IGSF5: variants seen among roughly 807,000 people sequenced by gnomAD.
IGSF5 encodes the protein immunoglobulin superfamily member 5.
IGSF5 carries 41 observed loss-of-function variants against 39.4 expected under a neutral mutation model. The ratio of observed to expected loss-of-function variants is 1.04; its 90% confidence interval spans 0.81 to 1.35. The LOEUF is 1.35. Ranked by LOEUF, IGSF5 falls within the 40% of genes most tolerant of loss-of-function variation. The pLI is 0.00. For missense variants in IGSF5, 487 were observed against 494.6 expected, an observed-to-expected ratio of 0.98 and a Z score of 0.15; for synonymous variants, 183 against 175.3, an observed-to-expected ratio of 1.04 and a Z score of -0.34.
At chr21:39,791,929 C>T (rs759756319) in intron 6 of IGSF5, 79 bp from the exon 7 acceptor site, 12 of 868,714 alleles carry the variant, frequency 1.4e-5, no homozygotes, top group South Asian at 6.1e-5. Context: ...ACGTGAACTA[C>T]GTAGGTATCC....
At chr21:39,722,439 G>A in the IGSF5 span, 1 of 152,150 alleles carries the variant, frequency 6.6e-6, no homozygotes, top group East Asian at 1.9e-4. Context: ...AACTTTAAGA[G>A]CAGCCCATGT....
chr21:39,730,973 C>T, the IGSF5 span, among the ~76,000 whole-genome samples: 2 of 152,186 alleles, frequency 1.3e-5, no homozygotes, highest in African/African-American at 2.4e-5. Context: ...AAAGGCCTCT[C>T]GCCTATCAGC....
chr21:39,789,803 C>A (rs760286), intron 6 of IGSF5, among the ~76,000 whole-genome samples: 1 of 152,016 alleles, frequency 6.6e-6, no homozygotes, highest in Non-Finnish European at 1.5e-5. Context: ...GATATGCACA[C>A]AAAGCATTTT....
At chr21:39,791,236 A>G (rs1401264658) in intron 6 of IGSF5, among the ~76,000 whole-genome samples, 1 of 152,182 alleles carries the variant, frequency 6.6e-6, no homozygotes, top group Admixed American at 6.5e-5. Context: ...ATGGAATTCC[A>G]TTTTAGAGAA....
At chr21:39,723,049 C>T in the IGSF5 span, among the ~76,000 whole-genome samples, 1 of 152,220 alleles carries the variant, frequency 6.6e-6, no homozygotes, top group Non-Finnish European at 1.5e-5. Flanking sequence ...TAACAAATTG[C>T]CGCAAAAGCA....
chr21:39,793,405 G>T, intron 7 of IGSF5, 129 bp from the exon 8 acceptor site: 1 of 619,100 alleles, frequency 1.6e-6, no homozygotes, highest in Middle Eastern at 2.6e-4. Flanking sequence ...TAAAAAAAGT[G>T]TTCATGGTTA....
At chr21:39,731,622 G>C in the IGSF5 span, among the ~76,000 whole-genome samples, 12 of 152,172 alleles carry the variant, frequency 7.9e-5, no homozygotes, top group Non-Finnish European at 1.5e-4. Context: ...TGAAAATGGA[G>C]GGGCCACATG....
the IGSF5 span, chr21:39,726,067 CT>C: frequency 6.6e-6 from 1 of 152,208 alleles, no homozygotes; most frequent in Non-Finnish European, 1.5e-5. Flanking sequence ...AGAGATGGGG[CT>C]TGTGATTTTC....
Position 39,801,531 on chromosome 21 carries a change from A to C in IGSF5, c.*174A>C, listed in dbSNP as rs2087029559. 1 of 473,668 alleles carries C rather than the reference A, an allele frequency of 2.1e-6. No individual in the cohort carries two copies. Among genetic ancestry groups the C allele is most frequent in the Admixed American group, 3.5e-5 (1 of 28,710 alleles). The allele number at this position is 473,668 out of a possible 1,614,324, so 29.3% of individuals were successfully genotyped here. On this transcript the variant is annotated 3_prime_UTR_variant, in exon 9 of 9. Coordinates refer to ENST00000380588, the MANE Select transcript of IGSF5 (RefSeq NM_001080444.2). The stretch of plus-strand genomic sequence containing the variant: ...AGTGAGAGAAGGAATCGATTTTCCC[A>C]GAGTTCAAAGTAGAATGTGACTTTT...
At chr21:39,758,708 A>G (rs568373676) in intron 2 of IGSF5, among the ~76,000 whole-genome samples, 7 of 152,184 alleles carry the variant, frequency 4.6e-5, no homozygotes, top group Non-Finnish European at 8.8e-5. Flanking sequence ...GGCATAGTGT[A>G]TAGTCTATAT....
chr21:39,751,356 C>T (rs1335750446), intron 2 of IGSF5: 1 of 152,228 alleles, frequency 6.6e-6, no homozygotes, highest in African/African-American at 2.4e-5. Context: ...TTTGTGGCTC[C>T]CCTGTGACAG....
At chr21:39,781,452 T>C (rs1179576319) in intron 5 of IGSF5, among the ~76,000 whole-genome samples, 2 of 152,212 alleles carry the variant, frequency 1.3e-5, no homozygotes, top group Non-Finnish European at 2.9e-5. Context: ...ATGTTGTGTA[T>C]GTTCATATTT....
At chr21:39,770,180 C>T (rs2080106945) in intron 3 of IGSF5, among the ~76,000 whole-genome samples, 1 of 152,090 alleles carries the variant, frequency 6.6e-6, no homozygotes, top group East Asian at 1.9e-4. Context: ...TGGGGCCAAT[C>T]CTCAGGTTGT....
At chr21:39,725,568 G>C in the IGSF5 span, among the ~76,000 whole-genome samples, 25 of 152,276 alleles carry the variant, frequency 1.6e-4, no homozygotes, top group African/African-American at 5.5e-4. Context: ...CAGCAAATCC[G>C]AATGAAGACA....
At chr21:39,738,266 G>C in the IGSF5 span, among the ~76,000 whole-genome samples, 1 of 152,216 alleles carries the variant, frequency 6.6e-6, no homozygotes, top group Non-Finnish European at 1.5e-5. The surrounding 1 kb of genome is among the most constrained non-coding windows in gnomAD (Gnocchi z 6.4). Flanking sequence ...GAAAGAATGA[G>C]AGAAGTGAAA....
the IGSF5 span, among the ~76,000 whole-genome samples, chr21:39,737,575 T>A: frequency 3.4e-4 from 51 of 152,174 alleles, no homozygotes; most frequent in Non-Finnish European, 7.1e-4. Flanking sequence ...AAACACTTGT[T>A]TATGTTTACC....
chr21:39,724,977 A>T, the IGSF5 span, among the ~76,000 whole-genome samples: 8,607 of 152,298 alleles, frequency 0.057, 314 homozygotes, highest in African/African-American at 0.1. Context: ...GATACAATAC[A>T]AAGTATTTAC....
intron 4 of IGSF5, among the ~76,000 whole-genome samples, chr21:39,776,888 G>A (rs1049189791): frequency 6.6e-6 from 1 of 152,146 alleles, no homozygotes; most frequent in Non-Finnish European, 1.5e-5. Flanking sequence ...CCCTTATTAA[G>A]AAAACTTGTT....
intron 2 of IGSF5, among the ~76,000 whole-genome samples, chr21:39,759,842 G>T (rs2080052584): frequency 6.6e-6 from 1 of 150,722 alleles, no homozygotes; most frequent in African/African-American, 2.5e-5. Context: ...CCTCCAGCTT[G>T]GGTGACAGAG....
Sources: gnomAD v4.1 joint callset for allele counts (sites outside exome capture counted in the v4.1 genomes callset) on GRCh38, gnomAD v4.1.1 for gene constraint, Gnocchi (gnomAD v3.1) non-coding constraint, MANE v1.5 for transcripts, NCBI Gene and HGNC (gene_info 2026-07-23, HGNC 2026-07-21) for gene names.